AOPEP: variants seen among roughly 807,000 people sequenced by gnomAD.
The protein encoded by AOPEP is aminopeptidase O.
A neutral mutation model predicts 98.1 loss-of-function variants in AOPEP; 77 were observed. That is an observed-to-expected ratio of 0.78 (90% confidence interval 0.65 to 0.95). The LOEUF is 0.95. Among genes scored for constraint, AOPEP ranks in the 40% least tolerant of loss-of-function variants. The probability of loss-of-function intolerance (pLI) is 0.00; values close to 1 mark genes in which losing one functional copy is unlikely to be tolerated. For synonymous variants in AOPEP, 346 were observed against 365.3 expected (o/e 0.95, Z 0.60); for missense variants, 1,024 against 1,024.7 (o/e 1.00, Z 0.01).
intron 10 of AOPEP, among the ~76,000 whole-genome samples, chr9:94,974,067 A>C (rs1009371980): frequency 1.3e-5 from 2 of 152,144 alleles, no homozygotes; most frequent in African/African-American, 4.8e-5. Flanking sequence ...TGAGACCTAC[A>C]TCCTGTTTCT....
At chr9:95,000,821 T>C (rs2061515007) in intron 11 of AOPEP, among the ~76,000 whole-genome samples, 1 of 152,254 alleles carries the variant, frequency 6.6e-6, no homozygotes, top group African/African-American at 2.4e-5. Context: ...TTTCTAGACG[T>C]GTGTAGATTC....
intron 13 of AOPEP, among the ~76,000 whole-genome samples, chr9:95,032,108 C>T (rs141666499): frequency 2.7e-4 from 41 of 152,338 alleles, no homozygotes; most frequent in African/African-American, 9.4e-4. Context: ...CTGGGGGGCC[C>T]TGAAACCCTC....
chr9:94,981,303 A>G (rs991792200), intron 11 of AOPEP, among the ~76,000 whole-genome samples: 1 of 152,290 alleles, frequency 6.6e-6, no homozygotes, highest in Admixed American at 6.5e-5. Flanking sequence ...CCAAAGGTCT[A>G]GTTGCATTAG....
At chr9:95,030,222 G>A (rs2064179772) in intron 13 of AOPEP, among the ~76,000 whole-genome samples, 1 of 152,138 alleles carries the variant, frequency 6.6e-6, no homozygotes, top group South Asian at 2.1e-4. Flanking sequence ...AGCACTTTTA[G>A]TATTTTGATT....
At chr9:94,836,652 C>A (rs2041641971) in intron 5 of AOPEP, among the ~76,000 whole-genome samples, 1 of 152,114 alleles carries the variant, frequency 6.6e-6, no homozygotes, top group Non-Finnish European at 1.5e-5. Flanking sequence ...TGTAGCTTGC[C>A]TTTTCATTCC....
At chr9:94,943,112 T>C (rs986461790) in intron 7 of AOPEP, among the ~76,000 whole-genome samples, 2 of 152,014 alleles carry the variant, frequency 1.3e-5, no homozygotes, top group Non-Finnish European at 2.9e-5. Flanking sequence ...GGAAAAAGAA[T>C]CAGTAAATTG....
At chr9:94,950,860 T>C (rs2058052289) in intron 7 of AOPEP, among the ~76,000 whole-genome samples, 1 of 152,200 alleles carries the variant, frequency 6.6e-6, no homozygotes, top group South Asian at 2.1e-4. Flanking sequence ...CCAGCTGACA[T>C]GCCAGAGGAC....
chr9:94,763,574 C>T (rs1250185702), intron 2 of AOPEP, among the ~76,000 whole-genome samples: 1 of 152,116 alleles, frequency 6.6e-6, no homozygotes, highest in Non-Finnish European at 1.5e-5. Context: ...GCACCCAGAT[C>T]TTAGTTTCTG....
At chr9:94,793,451 G>A (rs923234922) in intron 4 of AOPEP, among the ~76,000 whole-genome samples, 11 of 151,994 alleles carry the variant, frequency 7.2e-5, no homozygotes, top group African/African-American at 1.5e-4. Context: ...AGGCTGAGGC[G>A]GGTCGATCAC....
rs1256459726 is a variant in AOPEP at position 95,082,686 on chromosome 9, G to C, written c.2431G>C (p.Ala811Pro). Residue 811 changes from alanine to proline, a missense_variant, in exon 16 of 17, where the codon GCC becomes CCC. Coordinates refer to ENST00000375315, the MANE Select transcript of AOPEP (RefSeq NM_001193329.3). ...CAAGGAGCAGATGGATAGGTCCTCA[G>C]CCCAGGTGGTGGCCGAAATGTTATT... Reference protein sequence around the residue: ...RTKEQMDRSSAQVVAEMLF With the variant: ...RTKEQMDRSSPQVVAEMLF 6.2e-7 allele frequency: 1 copy of C among 1,614,220 alleles called. No individual in the cohort carries two copies. The highest frequency in any genetic ancestry group is 8.5e-7 in the Non-Finnish European group (1 of 1,180,032).
At chr9:94,936,108 G>A (rs1053329477) in intron 7 of AOPEP, among the ~76,000 whole-genome samples, 8 of 152,096 alleles carry the variant, frequency 5.3e-5, no homozygotes, top group African/African-American at 1.9e-4. Context: ...CAGTCCAACA[G>A]CCCCAAAGTG....
chr9:94,798,711 T>C (rs1847581398), intron 4 of AOPEP, among the ~76,000 whole-genome samples: 1 of 152,220 alleles, frequency 6.6e-6, no homozygotes, highest in Admixed American at 6.5e-5. Context: ...ATAGAGATTA[T>C]ATGAACTGAA....
At chr9:94,949,313 A>C (rs1292930766) in intron 7 of AOPEP, among the ~76,000 whole-genome samples, 1 of 151,900 alleles carries the variant, frequency 6.6e-6, no homozygotes, top group South Asian at 2.1e-4. Flanking sequence ...AAATGTGTGG[A>C]GTTTGTTTGC....
At chr9:94,840,889 A>C (rs139335535) in intron 5 of AOPEP, among the ~76,000 whole-genome samples, 1 of 151,864 alleles carries the variant, frequency 6.6e-6, no homozygotes, top group African/African-American at 2.4e-5. Context: ...TTCTTTGTCC[A>C]TCTGGCTAGA....
intron 3 of AOPEP, among the ~76,000 whole-genome samples, chr9:94,787,334 G>A (rs1714696702): frequency 1.3e-5 from 2 of 152,234 alleles, no homozygotes; most frequent in African/African-American, 2.4e-5. Flanking sequence ...GCTGGGTTGT[G>A]ATGGGATTGG....
the AOPEP span, among the ~76,000 whole-genome samples, chr9:95,094,828 G>T: frequency 1.3e-5 from 2 of 152,174 alleles, no homozygotes; most frequent in African/African-American, 4.8e-5. Context: ...ACCATGCCCA[G>T]CTAATTTTTG....
intron 13 of AOPEP, among the ~76,000 whole-genome samples, chr9:95,044,793 G>A (rs548110245): frequency 6.6e-6 from 1 of 152,290 alleles, no homozygotes; most frequent in African/African-American, 2.4e-5. Flanking sequence ...CCACCTGGTG[G>A]TAAGGCAGGG....
chr9:95,090,457 GC>G (rs1484848946), downstream of AOPEP, among the ~76,000 whole-genome samples: 1 of 152,190 alleles, frequency 6.6e-6, no homozygotes, highest in Non-Finnish European at 1.5e-5. Flanking sequence ...CACAGGCTGC[GC>G]CAACCTGTGG....
At position 94,733,931 on chromosome 9, in the gene AOPEP, A is replaced by C. The variant is rs78915232; in HGVS notation, c.-136+7180A>C. ...ATGAGGTGGATTCAAAACCATTTAG[A>C]GAGAAAGGGGCACCCATTTGCAGTG... On this transcript the variant is annotated intron_variant, in intron 1 of 16. Coordinates refer to ENST00000375315, the MANE Select transcript of AOPEP (RefSeq NM_001193329.3). Among the ~76,000 whole-genome samples, 702 of 152,334 alleles carry C rather than the reference A, an allele frequency of 4.6e-3. 3 individuals carry two copies. The highest frequency in any genetic ancestry group is 0.016 in the African/African-American group (682 of 41,568).
Sources: allele counts gnomAD v4.1 joint callset (sites outside exome capture counted in the v4.1 genomes callset), GRCh38; gene constraint gnomAD v4.1.1; transcripts MANE v1.5; gene names NCBI Gene and HGNC (gene_info 2026-07-23, HGNC 2026-07-21).